LRRC4C: variants seen among roughly 807,000 people sequenced by gnomAD.
LRRC4C encodes the protein leucine-rich repeat-containing protein 4C.
Under a neutral mutation model 33.6 loss-of-function variants are expected in LRRC4C, and 5 were observed. The observed-to-expected ratio is 0.15, with a 90% confidence interval of 0.08 to 0.31. The LOEUF (loss-of-function observed/expected upper bound fraction) is 0.31, where lower values mean the gene tolerates loss of function less well. LRRC4C is among the 10% of genes least tolerant of loss of function. The probability of loss-of-function intolerance (pLI) is 1.00; values close to 1 mark genes in which losing one functional copy is unlikely to be tolerated. For missense variants in LRRC4C, 560 were observed against 796.7 expected (o/e 0.70, Z 3.58); for synonymous variants, 329 against 302.0 (o/e 1.09, Z -0.93).
At chr11:40,150,595 C>A (rs1265825853) in intron 5 of LRRC4C, among the ~76,000 whole-genome samples, 2 of 152,144 alleles carry the variant, frequency 1.3e-5, no homozygotes, top group Non-Finnish European at 2.9e-5. Context: ...CACCACCATG[C>A]CTGGCTAATT....
At chr11:41,370,457 G>A (rs551888636) in intron 1 of LRRC4C, among the ~76,000 whole-genome samples, 4 of 152,156 alleles carry the variant, frequency 2.6e-5, no homozygotes, top group East Asian at 1.9e-4. Context: ...TCATGGGGGC[G>A]GCTCCCCCCA....
At chr11:40,172,874 T>A (rs2135446337) in intron 5 of LRRC4C, among the ~76,000 whole-genome samples, 1 of 152,260 alleles carries the variant, frequency 6.6e-6, no homozygotes, top group East Asian at 1.9e-4. Flanking sequence ...TTTATAGAAG[T>A]AATCAGGTTA....
At chr11:41,016,352 T>C (rs1855583110) in intron 1 of LRRC4C, among the ~76,000 whole-genome samples, 1 of 152,080 alleles carries the variant, frequency 6.6e-6, no homozygotes, top group Non-Finnish European at 1.5e-5. Flanking sequence ...GTAGCAGGGA[T>C]GCCTATGAGA....
At chr11:40,783,834 C>T (rs989411842) in intron 2 of LRRC4C, among the ~76,000 whole-genome samples, 15 of 151,934 alleles carry the variant, frequency 9.9e-5, no homozygotes, top group African/African-American at 3.4e-4. Context: ...TTTCATGTGC[C>T]TTGTAAATCA....
intron 2 of LRRC4C, among the ~76,000 whole-genome samples, chr11:40,898,572 G>C (rs1956071275): frequency 6.6e-6 from 1 of 151,342 alleles, no homozygotes; most frequent in African/African-American, 2.4e-5. Flanking sequence ...AAGAAAAGAA[G>C]GAAGAAAAAG....
intron 1 of LRRC4C, among the ~76,000 whole-genome samples, chr11:41,069,840 C>T (rs1378215411): frequency 6.6e-6 from 1 of 152,076 alleles, no homozygotes; most frequent in Non-Finnish European, 1.5e-5. Context: ...GGCCATCCTA[C>T]CCAAAAGGAT....
chr11:41,045,063 G>C (rs986573710), intron 1 of LRRC4C, among the ~76,000 whole-genome samples: 1 of 151,946 alleles, frequency 6.6e-6, no homozygotes, highest in East Asian at 1.9e-4. Context: ...CTTGAAAATC[G>C]TTACTCATCA....
chr11:40,896,987 C>A (rs563807925), intron 2 of LRRC4C, among the ~76,000 whole-genome samples: 1 of 152,032 alleles, frequency 6.6e-6, no homozygotes, highest in African/African-American at 2.4e-5. Context: ...AAAGATAAAC[C>A]TTAATTAAGT....
intron 2 of LRRC4C, among the ~76,000 whole-genome samples, chr11:40,871,965 C>T (rs1254649595): frequency 6.6e-6 from 1 of 152,096 alleles, no homozygotes; most frequent in African/African-American, 2.4e-5. Context: ...CCAGGCCAGG[C>T]TTTCCCAGAA....
chr11:41,265,392 G>A (rs982500486), intron 1 of LRRC4C, among the ~76,000 whole-genome samples: 2 of 152,212 alleles, frequency 1.3e-5, no homozygotes, highest in African/African-American at 2.4e-5. Context: ...TGATTGGTAA[G>A]ATTGAGAAAG....
intron 1 of LRRC4C, among the ~76,000 whole-genome samples, chr11:41,264,557 C>T (rs1455744666): frequency 6.6e-6 from 1 of 152,094 alleles, no homozygotes; most frequent in East Asian, 1.9e-4. Context: ...TATAGACCCA[C>T]ATCATCATTT....
intron 6 of LRRC4C, among the ~76,000 whole-genome samples, chr11:40,120,095 T>C (rs757416286): frequency 1.8e-4 from 28 of 152,378 alleles, no homozygotes; most frequent in Admixed American, 3.9e-4. Context: ...GGCCTCCACA[T>C]GCTGTGCCAT....
chr11:40,599,066 C>T (rs1196727619), intron 3 of LRRC4C, among the ~76,000 whole-genome samples: 1 of 152,082 alleles, frequency 6.6e-6, no homozygotes, highest in Non-Finnish European at 1.5e-5. Flanking sequence ...GTTCAAGGCT[C>T]AGGACATTTA....
At chr11:40,991,451 T>G (rs1853557457) in intron 1 of LRRC4C, among the ~76,000 whole-genome samples, 1 of 152,190 alleles carries the variant, frequency 6.6e-6, no homozygotes, top group Non-Finnish European at 1.5e-5. Flanking sequence ...GCCAGCTTCA[T>G]GGAAGACAAT....
At chr11:41,046,752 A>G (rs927871888) in intron 1 of LRRC4C, among the ~76,000 whole-genome samples, 1 of 152,170 alleles carries the variant, frequency 6.6e-6, no homozygotes, top group African/African-American at 2.4e-5. Flanking sequence ...GCACTCATGA[A>G]TAACCAACTT....
chr11:40,927,412 A>G (rs1205410921), intron 2 of LRRC4C, among the ~76,000 whole-genome samples: 1 of 152,080 alleles, frequency 6.6e-6, no homozygotes, highest in Non-Finnish European at 1.5e-5. Context: ...AAAGAATATT[A>G]TCAAACATAT....
At chr11:40,331,533 A>G (rs1357950876) in intron 3 of LRRC4C, among the ~76,000 whole-genome samples, 1 of 152,248 alleles carries the variant, frequency 6.6e-6, no homozygotes, top group Admixed American at 6.5e-5. Context: ...AGGATATTAC[A>G]GTAGGTAAAA....
chr11:41,431,736 A>T (rs1195096815), intron 1 of LRRC4C, among the ~76,000 whole-genome samples: 1 of 152,098 alleles, frequency 6.6e-6, no homozygotes. Context: ...ACCGCCGACA[A>T]TATTAAGACA....
chr11:41,324,809 A>G (rs1364214662), intron 1 of LRRC4C, among the ~76,000 whole-genome samples: 1 of 152,160 alleles, frequency 6.6e-6, no homozygotes, highest in African/African-American at 2.4e-5. Context: ...TACACCTATG[A>G]ATGCATCTTT....
Sources: gnomAD v4.1 joint callset for allele counts (sites outside exome capture counted in the v4.1 genomes callset) on GRCh38, gnomAD v4.1.1 for gene constraint, MANE v1.5 for transcripts, NCBI Gene and HGNC (gene_info 2026-07-23, HGNC 2026-07-21) for gene names.